ABCB5: variants seen among roughly 807,000 people sequenced by gnomAD.
The protein encoded by ABCB5 is ATP-binding cassette sub-family B member 5.
Under a neutral mutation model 144.2 loss-of-function variants are expected in ABCB5, and 155 were observed. That is an observed-to-expected ratio of 1.08 (90% CI 0.94 to 1.23). The LOEUF (loss-of-function observed/expected upper bound fraction) is 1.23. ABCB5 is among the 50% of genes most tolerant of loss of function. The pLI is 0.00. For missense variants in ABCB5, 1,830 were observed against 1,520.8 expected, an observed-to-expected ratio of 1.20 and a Z score of -3.38; for synonymous variants, 610 against 528.6, an observed-to-expected ratio of 1.15 and a Z score of -2.11.
chr7:20,617,111 A>G (rs535240424), intron 1 of ABCB5, among the ~76,000 whole-genome samples: 219 of 152,182 alleles, frequency 1.4e-3, no homozygotes, highest in African/African-American at 5.2e-3. Flanking sequence ...AATTTTCCTT[A>G]TTTATGTATG....
chr7:20,621,599 T>G (rs1783806535), intron 1 of ABCB5, among the ~76,000 whole-genome samples: 1 of 152,044 alleles, frequency 6.6e-6, no homozygotes, highest in Non-Finnish European at 1.5e-5. Flanking sequence ...AGCTCAATAC[T>G]TTTTTCAATT....
chr7:20,743,854 C>G (rs1052427450), intron 25 of ABCB5, among the ~76,000 whole-genome samples: 2 of 151,978 alleles, frequency 1.3e-5, no homozygotes, highest in African/African-American at 2.4e-5. Context: ...TAAAGGGCTC[C>G]CTTGAACTAT....
intron 7 of ABCB5, among the ~76,000 whole-genome samples, chr7:20,644,065 T>C (rs1261118088): frequency 6.6e-6 from 1 of 151,582 alleles, no homozygotes; most frequent in African/African-American, 2.4e-5. Context: ...TATCATCCTC[T>C]TAAAGTTTAT....
chr7:20,705,977 G>C (rs1482512122), intron 20 of ABCB5, among the ~76,000 whole-genome samples: 1 of 152,092 alleles, frequency 6.6e-6, no homozygotes, highest in Non-Finnish European at 1.5e-5. Context: ...AGGAAAGTGG[G>C]CATCTTCATC....
At chr7:20,728,280 A>G in intron 22 of ABCB5, 35 bp from the exon 23 acceptor site, 1 of 1,608,266 alleles carries the variant, frequency 6.2e-7, no homozygotes, top group Non-Finnish European at 8.5e-7. Context: ...GCTATAATTC[A>G]TGCCTCATTA....
chr7:20,667,155 T>C (rs1392541360), intron 14 of ABCB5: 2 of 859,050 alleles, frequency 2.3e-6, no homozygotes, highest in Non-Finnish European at 2.8e-6. Context: ...ATTTCTGTGA[T>C]TTATTTGATG....
At chr7:20,688,101 G>A (rs368222853) in intron 16 of ABCB5, among the ~76,000 whole-genome samples, 7 of 152,190 alleles carry the variant, frequency 4.6e-5, no homozygotes, top group African/African-American at 1.7e-4. Context: ...GCTGAGGCAG[G>A]AGAATTGCTT....
intron 14 of ABCB5, among the ~76,000 whole-genome samples, chr7:20,676,160 CTACACA>C (rs145941786): frequency 0.045 from 5,029 of 110,972 alleles, 280 homozygotes; most frequent in African/African-American, 0.15. Context: ...AGCAATTCTA[CTACACA>C]TACACACACA....
rs1784333378 is a variant in ABCB5 at position 20,643,317 on chromosome 7, C to G, written c.448C>G (p.Gln150Glu). 2 of 1,613,858 alleles carry G rather than the reference C, an allele frequency of 1.2e-6. No homozygotes were observed. Among genetic ancestry groups the G allele is most frequent in the Non-Finnish European group, 1.7e-6 (2 of 1,179,890 alleles). ...RKQFFHSVLA[Q>E]DIGWFDSCDI... ...ACAGTTTTTTCATTCAGTTTTGGCA[C>G]AGGACATCGGCTGGTTTGATAGCTG... Residue 150 changes from glutamine (Q) to glutamate (E), a missense_variant, in exon 6 of 28, where the codon CAG becomes GAG. By Grantham distance (29) the Gln-to-Glu change is conservative (BLOSUM62 2). Transcript: ENST00000404938.
chr7:20,683,459 AT>A (rs1437191084), intron 15 of ABCB5, among the ~76,000 whole-genome samples: 1 of 152,134 alleles, frequency 6.6e-6, no homozygotes, highest in Non-Finnish European at 1.5e-5. Context: ...CTATTTTAAG[AT>A]TTTTTAAACA....
In ABCB5 at chr7:20,643,576, C is replaced by A. The variant is rs755750745; in HGVS notation, c.622C>A (p.Leu208Ile). Residue 208 changes from leucine (L) to isoleucine (I), a missense_variant, in exon 7 of 28, where the codon CTA becomes ATA. Coordinates refer to ENST00000404938, the MANE Select transcript of ABCB5 (RefSeq NM_001163941.2). ...VGLVKGWKLTLVTLSTSPLIM... is the reference protein window; with the variant it reads ...VGLVKGWKLTIVTLSTSPLIM... ...TTTGGTGAAGGGCTGGAAACTCACC[C>A]TAGTGACTCTATCCACGTCTCCTCT... 6.2e-7 allele frequency: 1 copy of A among 1,613,960 alleles called. No individual in the cohort carries two copies. The highest frequency in any genetic ancestry group is 1.1e-5 in the South Asian group (1 of 91,086).
chr7:20,662,488 C>T (rs536427307), intron 14 of ABCB5, among the ~76,000 whole-genome samples: 1 of 152,314 alleles, frequency 6.6e-6, no homozygotes, highest in Non-Finnish European at 1.5e-5. Flanking sequence ...CAAACACACA[C>T]ACACTAATGC....
chr7:20,665,766 GAGATACATAC>G (rs1785165275), intron 14 of ABCB5, among the ~76,000 whole-genome samples: 1 of 131,318 alleles, frequency 7.6e-6, no homozygotes, highest in Non-Finnish European at 1.6e-5. Context: ...TAGATAGATA[GAGATACATAC>G]ATACATACAT....
At chr7:20,682,328 A>G (rs1785856981) in intron 15 of ABCB5, among the ~76,000 whole-genome samples, 1 of 152,238 alleles carries the variant, frequency 6.6e-6, no homozygotes, top group Non-Finnish European at 1.5e-5. Flanking sequence ...TACAGAGGCA[A>G]ATTGCAAAAT....
Position 20,745,320 on chromosome 7 carries a change from A to G in ABCB5, c.3311A>G (p.Asn1104Ser), listed in dbSNP as rs1782685411. Residue 1104 changes from asparagine (N) to serine (S), a missense_variant, in exon 26 of 28, where the codon AAC becomes AGC. By Grantham distance (46) the Asn-to-Ser change is conservative. Coordinates refer to ENST00000404938, the MANE Select transcript of ABCB5 (RefSeq NM_001163941.2). ...GTTCCTCAAGAGCCTGTGCTCTTCAACTGCAGCATTGCTGAGAACATCGCC... is the reference window on the plus strand; with the variant it reads ...GTTCCTCAAGAGCCTGTGCTCTTCAGCTGCAGCATTGCTGAGAACATCGCC... ...AIVPQEPVLFNCSIAENIAYG... is the reference protein window; with the variant it reads ...AIVPQEPVLFSCSIAENIAYG... 1.2e-6 allele frequency: 2 copies of G among 1,614,118 alleles called. No individual in the cohort carries two copies. Among genetic ancestry groups the G allele is most frequent in the Middle Eastern group, 1.7e-4 (1 of 6,060 alleles).
At chr7:20,690,391 T>C (rs938852243) in intron 16 of ABCB5, among the ~76,000 whole-genome samples, 1 of 152,240 alleles carries the variant, frequency 6.6e-6, no homozygotes, top group Non-Finnish European at 1.5e-5. Context: ...AATACGATGT[T>C]TCAATGGAAT....
intron 26 of ABCB5, among the ~76,000 whole-genome samples, chr7:20,752,234 T>C (rs902195954): frequency 2.6e-5 from 4 of 152,190 alleles, no homozygotes; most frequent in African/African-American, 9.7e-5. Context: ...TACACATTCT[T>C]GTCTAGGTAC....
intron 22 of ABCB5, among the ~76,000 whole-genome samples, chr7:20,728,036 G>A (rs943242310): frequency 1.3e-5 from 2 of 152,018 alleles, no homozygotes; most frequent in Non-Finnish European, 2.9e-5. Context: ...ATCCTTTCAC[G>A]GGCTTTGCCC....
At chr7:20,731,213 G>T (rs2128052375) in intron 23 of ABCB5, among the ~76,000 whole-genome samples, 1 of 151,926 alleles carries the variant, frequency 6.6e-6, no homozygotes, top group African/African-American at 2.4e-5. Context: ...AATTAGCTGG[G>T]CATGGTGGTG....
Sources: gnomAD v4.1 joint callset for allele counts (sites outside exome capture counted in the v4.1 genomes callset) on GRCh38, gnomAD v4.1.1 for gene constraint, MANE v1.5 for transcripts, NCBI Gene and HGNC (gene_info 2026-07-23, HGNC 2026-07-21) for gene names.